Variants in RMP24 observed in about 807,000 individuals in gnomAD.
The protein encoded by RMP24 is ribonuclease MRP protein subunit p24.
chr18:35,978,882 C>T, the RMP24 span: 2 of 1,612,620 alleles, frequency 1.2e-6, no homozygotes, highest in Non-Finnish European at 1.7e-6. Flanking sequence ...TCAAAGAACA[C>T]CAGCAAAACA....
the RMP24 span, chr18:35,978,745 A>G: frequency 2.7e-6 from 3 of 1,112,278 alleles, no homozygotes; most frequent in East Asian, 7.8e-5. Context: ...CACCGAGGAT[A>G]GCCAGTGCAT....
the RMP24 span, among the ~76,000 whole-genome samples, chr18:35,978,509 G>T: frequency 2.0e-3 from 300 of 152,318 alleles, no homozygotes; most frequent in African/African-American, 7.0e-3. Flanking sequence ...TATTTGGGAG[G>T]CTGAGGCGGG....
chr18:35,975,113 G>C, the RMP24 span: 1 of 1,588,756 alleles, frequency 6.3e-7, no homozygotes, highest in African/African-American at 1.4e-5. Context: ...TTCAGTTCCA[G>C]TATGTATGAG....
At chr18:35,973,094 C>T in the RMP24 span, 2 of 728,584 alleles carry the variant, frequency 2.7e-6, no homozygotes, top group Admixed American at 2.5e-5. Context: ...GCTTTGTTAG[C>T]GGCATTTGAC....
At chr18:35,975,139 T>G in the RMP24 span, 1 of 1,521,862 alleles carries the variant, frequency 6.6e-7, no homozygotes, top group South Asian at 1.2e-5. Context: ...TAGAATTTTC[T>G]TTTCTTTCAC....
At chr18:35,977,735 G>A in the RMP24 span, 3 of 794,196 alleles carry the variant, frequency 3.8e-6, no homozygotes, top group Non-Finnish European at 5.8e-6. Context: ...CTTTTCTAAT[G>A]TCACATACTC....
the RMP24 span, chr18:35,977,603 A>G: frequency 1.2e-6 from 2 of 1,604,846 alleles, no homozygotes; most frequent in Non-Finnish European, 1.7e-6. Context: ...GTTTTCAGGT[A>G]TCTTAATCCA....
the RMP24 span, among the ~76,000 whole-genome samples, chr18:35,974,680 C>T: frequency 2.0e-3 from 300 of 152,202 alleles, no homozygotes; most frequent in African/African-American, 7.1e-3. Context: ...TGGAGATTTG[C>T]CTATCTGTTG....
chr18:35,975,332 C>T, the RMP24 span, among the ~76,000 whole-genome samples: 2 of 152,094 alleles, frequency 1.3e-5, no homozygotes, highest in Non-Finnish European at 2.9e-5. Context: ...TTTTGAGATC[C>T]CATTGTTGAG....
chr18:35,974,875 G>A, the RMP24 span: 17 of 1,595,866 alleles, frequency 1.1e-5, no homozygotes, highest in Non-Finnish European at 1.2e-5. Flanking sequence ...TGAATTGTGA[G>A]TTTCATTTGT....
the RMP24 span, chr18:35,974,880 AT>A: frequency 1.2e-6 from 2 of 1,601,424 alleles, no homozygotes; most frequent in Non-Finnish European, 1.7e-6. Context: ...TGTGAGTTTC[AT>A]TTGTATAATT....
At chr18:35,972,767 ACTGCACGACAG>A in the RMP24 span, 1 of 1,613,664 alleles carries the variant, frequency 6.2e-7, no homozygotes, top group Non-Finnish European at 8.5e-7. Flanking sequence ...CAGCGCGGGG[ACTGCACGACAG>A]CTGCCCGGGC....
the RMP24 span, among the ~76,000 whole-genome samples, chr18:35,975,700 C>T: frequency 1.3e-5 from 2 of 152,338 alleles, no homozygotes; most frequent in Admixed American, 1.3e-4. Context: ...TATATCCCTG[C>T]ATATTTTATG....
At chr18:35,977,511 A>C in the RMP24 span, 1 of 1,614,128 alleles carries the variant, frequency 6.2e-7, no homozygotes, top group Non-Finnish European at 8.5e-7. Flanking sequence ...CTACAAGTAA[A>C]CTCAGCCTGA....
At chr18:35,976,998 C>T in the RMP24 span, among the ~76,000 whole-genome samples, 1 of 152,152 alleles carries the variant, frequency 6.6e-6, no homozygotes, top group Non-Finnish European at 1.5e-5. Flanking sequence ...GAGGCCGAGG[C>T]GGGTGGATCG....
At chr18:35,978,550 G>T in the RMP24 span, among the ~76,000 whole-genome samples, 256 of 152,326 alleles carry the variant, frequency 1.7e-3, no homozygotes, top group Middle Eastern at 6.8e-3. Context: ...GGCAGAGGTT[G>T]CAGTGAGCTG....
chr18:35,972,920 C>T, the RMP24 span: 3 of 1,614,142 alleles, frequency 1.9e-6, no homozygotes, highest in Admixed American at 3.3e-5. Flanking sequence ...AAGAAGAACG[C>T]CTGTCTCTTG....
the RMP24 span, among the ~76,000 whole-genome samples, chr18:35,974,502 T>A: frequency 6.6e-6 from 1 of 152,376 alleles, no homozygotes; most frequent in South Asian, 2.1e-4. Context: ...TTCATTGTGC[T>A]AATTATTTAA....
the RMP24 span, chr18:35,979,000 AAAATAAG>A: frequency 6.3e-7 from 1 of 1,577,642 alleles, no homozygotes; most frequent in Non-Finnish European, 8.6e-7. Flanking sequence ...GTGGACTTTT[AAAATAAG>A]AAATGCCTGA....
Sources: gnomAD v4.1 joint callset for allele counts (sites outside exome capture counted in the v4.1 genomes callset) on GRCh38, gnomAD v4.1.1 for gene constraint, MANE v1.5 for transcripts, NCBI Gene and HGNC (gene_info 2026-07-23, HGNC 2026-07-21) for gene names.